The following SPIDR variants were observed in gnomAD, a reference collection of about 807,000 sequenced individuals.
SPIDR encodes the protein DNA repair-scaffolding protein.
Under a neutral mutation model 104.6 loss-of-function variants are expected in SPIDR, and 93 were observed. The ratio of observed to expected loss-of-function variants is 0.89; its 90% confidence interval spans 0.75 to 1.06. The LOEUF is 1.06. Ranked by LOEUF, SPIDR falls within the 50% of genes least tolerant of loss-of-function variation. The pLI is 0.00. For synonymous variants in SPIDR, 431 were observed against 416.9 expected (o/e 1.03, Z -0.41); for missense variants, 1,154 against 1,111.2 (o/e 1.04, Z -0.55).
chr8:47,412,508 T>C (rs2063680101), intron 7 of SPIDR, among the ~76,000 whole-genome samples: 1 of 152,208 alleles, frequency 6.6e-6, no homozygotes, highest in South Asian at 2.1e-4. Flanking sequence ...TTACCAGAAG[T>C]GCCCAAAATG....
chr8:47,604,256 C>T (rs1296597457), intron 10 of SPIDR, among the ~76,000 whole-genome samples: 1 of 152,182 alleles, frequency 6.6e-6, no homozygotes, highest in African/African-American at 2.4e-5. Flanking sequence ...AAGAGAATTG[C>T]TCACAGAAGA....
chr8:47,599,241 T>C, intron 10 of SPIDR, 45 bp downstream of exon 10: 1 of 1,601,434 alleles, frequency 6.2e-7, no homozygotes, highest in Non-Finnish European at 8.5e-7. Context: ...AAGAGTCACT[T>C]AGACAGAGTG....
intron 8 of SPIDR, among the ~76,000 whole-genome samples, chr8:47,550,864 C>T (rs893923378): frequency 2.0e-5 from 3 of 151,686 alleles, no homozygotes; most frequent in Non-Finnish European, 2.9e-5. Flanking sequence ...AAAAGGAATG[C>T]TTCCAGCTTT....
intron 16 of SPIDR, among the ~76,000 whole-genome samples, chr8:47,724,847 G>A (rs1488159985): frequency 6.6e-6 from 1 of 152,148 alleles, no homozygotes; most frequent in Non-Finnish European, 1.5e-5. Context: ...GGCAGCTCTG[G>A]GGTGTGCGGA....
intron 8 of SPIDR, among the ~76,000 whole-genome samples, chr8:47,506,446 T>C (rs540531147): frequency 1.1e-4 from 16 of 152,294 alleles, no homozygotes; most frequent in African/African-American, 3.6e-4. Flanking sequence ...TGATCGTTCT[T>C]TCTTTCTCTA....
intron 7 of SPIDR, among the ~76,000 whole-genome samples, chr8:47,424,596 G>A (rs2066119581): frequency 6.6e-6 from 1 of 152,160 alleles, no homozygotes; most frequent in Non-Finnish European, 1.5e-5. Flanking sequence ...GGAATTACAG[G>A]CGTTAGCCAC....
chr8:47,625,934 G>A (rs201545746), intron 10 of SPIDR, among the ~76,000 whole-genome samples: 7 of 152,152 alleles, frequency 4.6e-5, no homozygotes, highest in African/African-American at 1.2e-4. Flanking sequence ...TGCCAAGTCA[G>A]TCCTAAGCCA....
intron 5 of SPIDR, among the ~76,000 whole-genome samples, chr8:47,376,977 T>C (rs958711533): frequency 6.6e-6 from 1 of 152,160 alleles, no homozygotes; most frequent in African/African-American, 2.4e-5. Context: ...CTGGCTGCCG[T>C]CGCATTACAG....
At chr8:47,461,611 G>GTT (rs2073945490) in intron 8 of SPIDR, among the ~76,000 whole-genome samples, 1 of 151,996 alleles carries the variant, frequency 6.6e-6, no homozygotes, top group Non-Finnish European at 1.5e-5. Flanking sequence ...CGCCCAGCCT[G>GTT]TTTGTTTTTT....
chr8:47,707,308 T>C (rs1034248204), intron 14 of SPIDR, among the ~76,000 whole-genome samples: 1 of 152,062 alleles, frequency 6.6e-6, no homozygotes, highest in African/African-American at 2.4e-5. Context: ...CCAACAGTAT[T>C]GTCTAGAGAT....
intron 5 of SPIDR, among the ~76,000 whole-genome samples, chr8:47,319,379 C>A (rs2154260678): frequency 6.6e-6 from 1 of 152,286 alleles, no homozygotes; most frequent in East Asian, 1.9e-4. Context: ...GGGATCAATT[C>A]AACAAGAAGA....
At chr8:47,295,004 T>C (rs2040586041) in intron 5 of SPIDR, among the ~76,000 whole-genome samples, 2 of 152,192 alleles carry the variant, frequency 1.3e-5, no homozygotes, top group African/African-American at 4.8e-5. Context: ...TTTTTTCCCC[T>C]TCATTTCATT....
In SPIDR at chr8:47,653,338, T is replaced by A. The variant is rs2072046849; in HGVS notation, c.1545-20463T>A. On this transcript the variant is annotated intron_variant, in intron 10 of 19. Transcript: ENST00000297423. ...TCCTTGGCCTCTCAGGTTTCAGTGA[T>A]GAATAGGCATGGGAAAGTAGGAATA... 2.6e-5 allele frequency among the ~76,000 whole-genome samples: 4 copies of A among 152,312 alleles called. No homozygotes were observed. In the South Asian group the frequency reaches 8.3e-4, roughly 32 times the overall value.
At chr8:47,694,724 G>C (rs980108930) in intron 11 of SPIDR, among the ~76,000 whole-genome samples, 6 of 152,052 alleles carry the variant, frequency 3.9e-5, no homozygotes, top group African/African-American at 1.4e-4. Flanking sequence ...ACTCCAGCCT[G>C]GGTGACAGAG....
chr8:47,650,392 A>AT (rs1324951309), intron 10 of SPIDR, among the ~76,000 whole-genome samples: 3 of 152,190 alleles, frequency 2.0e-5, no homozygotes, highest in Non-Finnish European at 4.4e-5. Flanking sequence ...TTAGGAATAT[A>AT]CTTAACCAAG....
intron 8 of SPIDR, among the ~76,000 whole-genome samples, chr8:47,484,860 C>G (rs782476311): frequency 6.6e-6 from 1 of 152,124 alleles, no homozygotes; most frequent in East Asian, 1.9e-4. Flanking sequence ...GATCCAGACC[C>G]GGACGGCAGT....
At chr8:47,518,163 C>T (rs1179511671) in intron 8 of SPIDR, among the ~76,000 whole-genome samples, 1 of 152,222 alleles carries the variant, frequency 6.6e-6, no homozygotes, top group African/African-American at 2.4e-5. Context: ...TTCATAGATA[C>T]ATTGGTCTGG....
chr8:47,435,413 G>A (rs1253689581), intron 7 of SPIDR, among the ~76,000 whole-genome samples: 1 of 151,708 alleles, frequency 6.6e-6, no homozygotes, highest in Admixed American at 6.6e-5. Flanking sequence ...ATTAAATAAC[G>A]AATTCATGCA....
chr8:47,297,597 T>A (rs2041117085), intron 5 of SPIDR, among the ~76,000 whole-genome samples: 1 of 152,096 alleles, frequency 6.6e-6, no homozygotes, highest in Admixed American at 6.6e-5. Flanking sequence ...CCTAATGCTA[T>A]CCCTCCCCAC....
Sources: allele counts gnomAD v4.1 joint callset (sites outside exome capture counted in the v4.1 genomes callset), GRCh38; gene constraint gnomAD v4.1.1; transcripts MANE v1.5; gene names NCBI Gene and HGNC (gene_info 2026-07-23, HGNC 2026-07-21).